The following KCNN3 variants were observed in gnomAD, a reference collection of about 807,000 sequenced individuals.
The protein encoded by KCNN3 is potassium calcium-activated channel subfamily N member 3, also known as small conductance calcium-activated potassium channel protein 3.
In KCNN3, 16 loss-of-function variants were observed where a neutral mutation model predicts 62.9. The ratio of observed to expected loss-of-function variants is 0.25; its 90% CI spans 0.17 to 0.39. The LOEUF is 0.39. KCNN3 is among the 10% of genes least tolerant of loss of function. The pLI is 1.00. For missense variants in KCNN3, 599 were observed against 949.4 expected (o/e 0.63, Z 4.85); for synonymous variants, 370 against 389.2 (o/e 0.95, Z 0.58).
chr1:154,856,845 A>G (rs1652553183), intron 1 of KCNN3, among the ~76,000 whole-genome samples: 1 of 152,190 alleles, frequency 6.6e-6, no homozygotes. Context: ...CAGGCTAGAT[A>G]GCCCATATAG....
chr1:154,773,668 A>G (rs886186749), intron 2 of KCNN3, among the ~76,000 whole-genome samples: 3 of 152,146 alleles, frequency 2.0e-5, no homozygotes, highest in Non-Finnish European at 4.4e-5. Flanking sequence ...CTTTTTGCTG[A>G]CCACAAGTGT....
chr1:154,802,930 C>T (rs976702233), intron 2 of KCNN3, among the ~76,000 whole-genome samples: 9 of 152,196 alleles, frequency 5.9e-5, no homozygotes, highest in East Asian at 1.9e-4. Flanking sequence ...AGTTGTTCTG[C>T]CTGGTTGGAG....
intron 7 of KCNN3, among the ~76,000 whole-genome samples, chr1:154,711,170 A>T (rs901021456): frequency 9.2e-5 from 14 of 151,994 alleles, no homozygotes; most frequent in African/African-American, 2.7e-4. Context: ...GCCATAAAAA[A>T]TGATGAGTTC....
Position 154,869,790 on chromosome 1 carries a change from G to A in KCNN3, c.175C>T (p.Leu59=). 6.6e-7 allele frequency: 1 copy of A among 1,518,196 alleles called. No homozygotes were observed. Among genetic ancestry groups the A allele is most frequent in the Non-Finnish European group, 8.9e-7 (1 of 1,125,776 alleles). The allele number at this position is 1,518,196 out of a possible 1,614,324, so 94.0% of individuals were successfully genotyped here. The change falls in exon 1 of 8, where the codon CTG becomes TTG. Residue 59 remains leucine (L), a synonymous_variant. Transcript: ENST00000271915. This position sits in a 1 kb window ranked among gnomAD's most constrained non-coding sequence, Gnocchi z 6.1. The part of the protein sequence containing the change: ...AAPQQPLGPS[L]QPQPPQLQQQ... ...TGAAGCTGCGGAGGCTGAGGCTGCA[G>A]CGAGGGTCCCAGGGGCTGCTGGGGG... is the stretch of plus-strand genomic sequence containing the variant.
intron 3 of KCNN3, among the ~76,000 whole-genome samples, chr1:154,764,704 T>C (rs548241127): frequency 2.3e-4 from 35 of 152,304 alleles, no homozygotes; most frequent in African/African-American, 7.9e-4. Context: ...CCTCTAATTA[T>C]TATTGAATTA....
intron 6 of KCNN3, among the ~76,000 whole-genome samples, chr1:154,714,235 TGTGC>T (rs1557938063): frequency 9.1e-5 from 1 of 11,034 alleles, no homozygotes. Flanking sequence ...GTGTGGGGTG[TGTGC>T]GGTGTGTATG....
At chr1:154,796,670 G>A (rs1460469916) in intron 2 of KCNN3, among the ~76,000 whole-genome samples, 4 of 152,200 alleles carry the variant, frequency 2.6e-5, no homozygotes, top group Non-Finnish European at 5.9e-5. Flanking sequence ...AAAGCAGCTG[G>A]GTTCAGAAGT....
At chr1:154,764,440 A>G (rs1030346658) in intron 3 of KCNN3, among the ~76,000 whole-genome samples, 1 of 152,232 alleles carries the variant, frequency 6.6e-6, no homozygotes, top group South Asian at 2.1e-4. Flanking sequence ...CAGAATGCAG[A>G]TACAGTCTCA....
At chr1:154,810,551 A>G (rs1650363147) in intron 2 of KCNN3, among the ~76,000 whole-genome samples, 1 of 152,146 alleles carries the variant, frequency 6.6e-6, no homozygotes, top group South Asian at 2.1e-4. Context: ...TACCTCCCCA[A>G]GGGTGCTGGG....
intron 1 of KCNN3, among the ~76,000 whole-genome samples, chr1:154,844,734 A>G (rs1160830189): frequency 6.6e-6 from 1 of 152,226 alleles, no homozygotes; most frequent in Admixed American, 6.5e-5. Flanking sequence ...GGCCAGTTGC[A>G]GTGGCTCATG....
At chr1:154,783,698 A>C (rs1649154205) in intron 2 of KCNN3, among the ~76,000 whole-genome samples, 1 of 152,140 alleles carries the variant, frequency 6.6e-6, no homozygotes, top group African/African-American at 2.4e-5. Context: ...GTGGGACTGG[A>C]AGGAGAGGGG....
chr1:154,713,472 G>A lies in KCNN3; in HGVS notation c.1891C>T (p.Leu631Phe). Residue 631 changes from leucine (L) to phenylalanine (F), a missense_variant, in exon 7 of 8, where the codon CTT becomes TTT. By Grantham distance (22) the Leu-to-Phe change is conservative. Coordinates refer to ENST00000271915, the MANE Select transcript of KCNN3 (RefSeq NM_002249.6). ...LSDQANTLVDLSKMQNVMYDL... is the reference protein window; with the variant it reads ...LSDQANTLVDFSKMQNVMYDL... The stretch of plus-strand genomic sequence containing the variant: ...CAGACACTGCCACTCACCTTGGAAA[G>A]GTCCACCAGAGTGTTGGCTTGGTCA... 1 of 1,613,472 alleles carries A rather than the reference G, an allele frequency of 6.2e-7. No homozygotes were observed. The highest frequency in any genetic ancestry group is 8.5e-7 in the Non-Finnish European group (1 of 1,179,420).
chr1:154,731,129 C>T (rs767248631), intron 4 of KCNN3, among the ~76,000 whole-genome samples: 4 of 152,222 alleles, frequency 2.6e-5, no homozygotes, highest in Non-Finnish European at 5.9e-5. Flanking sequence ...TCTGTGCCAG[C>T]CCTGGCTGAG....
At chr1:154,836,067 G>A (rs963170746) in intron 1 of KCNN3, among the ~76,000 whole-genome samples, 1 of 152,228 alleles carries the variant, frequency 6.6e-6, no homozygotes, top group African/African-American at 2.4e-5. Flanking sequence ...CCTGACGCAT[G>A]TCTGCCAGGC....
chr1:154,839,300 C>G (rs1303409049), intron 1 of KCNN3, among the ~76,000 whole-genome samples: 1 of 152,222 alleles, frequency 6.6e-6, no homozygotes, highest in East Asian at 1.9e-4. Flanking sequence ...CGTACCTACA[C>G]CAGAAGGGGA....
At chr1:154,849,083 G>T (rs1030583211) in intron 1 of KCNN3, among the ~76,000 whole-genome samples, 1 of 152,186 alleles carries the variant, frequency 6.6e-6, no homozygotes, top group Non-Finnish European at 1.5e-5. Context: ...GCTTCCCGAG[G>T]TGGCCACTGG....
chr1:154,755,209 A>G (rs1348701111), intron 3 of KCNN3, among the ~76,000 whole-genome samples: 1 of 152,012 alleles, frequency 6.6e-6, no homozygotes, highest in African/African-American at 2.4e-5. Flanking sequence ...GGTGGCTCAC[A>G]CCTATAATCC....
chr1:154,743,131 C>T (rs984181176), intron 3 of KCNN3, among the ~76,000 whole-genome samples: 9 of 151,768 alleles, frequency 5.9e-5, no homozygotes, highest in African/African-American at 1.9e-4. Context: ...CCTTGTCCAG[C>T]CCCACCCTCT....
chr1:154,717,349 C>A (rs1023584457), intron 5 of KCNN3, among the ~76,000 whole-genome samples: 4 of 152,170 alleles, frequency 2.6e-5, no homozygotes, highest in African/African-American at 9.7e-5. Context: ...TTAATATTAT[C>A]TAGCTCAAAC....
Sources: gnomAD v4.1 joint callset for allele counts (sites outside exome capture counted in the v4.1 genomes callset) on GRCh38, gnomAD v4.1.1 for gene constraint, Gnocchi (gnomAD v3.1) non-coding constraint, MANE v1.5 for transcripts, NCBI Gene and HGNC (gene_info 2026-07-23, HGNC 2026-07-21) for gene names.